The following EXOC3 variants were observed in gnomAD, a reference collection of about 807,000 sequenced individuals.
EXOC3 encodes the protein SEC6-like 1.
In EXOC3, 21 loss-of-function variants were observed where a neutral mutation model predicts 73.7. That is an observed-to-expected ratio of 0.29 (90% CI 0.20 to 0.41). The LOEUF is 0.41. Ranked by LOEUF, EXOC3 falls within the 10% of genes least tolerant of loss-of-function variation. The pLI, the probability that EXOC3 is intolerant of heterozygous loss-of-function variation, is 1.00. For synonymous variants in EXOC3, 410 were observed against 389.1 expected (o/e 1.05, Z -0.63); for missense variants, 842 against 985.1 (o/e 0.85, Z 1.95).
chr5:466,479 T>G (rs1738155490), intron 12 of EXOC3: 1 of 508,852 alleles, frequency 2.0e-6, no homozygotes. Context: ...GTCTCCCCTC[T>G]GGTTGGGCCG....
chr5:456,176 C>T lies in EXOC3; in HGVS notation c.1047-713C>T, dbSNP rs960760262. Among the ~76,000 whole-genome samples the T allele has an allele frequency of 1.3e-4, 20 of 152,174 alleles. 1 individual carries two copies. The highest frequency in any genetic ancestry group is 2.9e-5 in the Non-Finnish European group (2 of 68,042). On this transcript the variant is annotated intron_variant, in intron 4 of 12. Coordinates refer to ENST00000512944, the MANE Select transcript of EXOC3 (RefSeq NM_007277.5). ...TATCAAAATCCTCCGTAGCCCAAGT[C>T]CCCTTTATAAAAGGGTATAGTGTTT...
At chr5:444,457 G>A (rs1287126030) in intron 1 of EXOC3, among the ~76,000 whole-genome samples, 1 of 152,186 alleles carries the variant, frequency 6.6e-6, no homozygotes, top group African/African-American at 2.4e-5. Context: ...ACCTCACCGC[G>A]TGCCCCAGCA....
rs533678834 is a variant in EXOC3 at position 446,408 on chromosome 5, T to C, written c.144+59T>C. On this transcript the variant is annotated intron_variant, in intron 2 of 12. Transcript: ENST00000512944. ...TTGGGCTTCAGGTTCTTGCTTGACA[T>C]CACCATGATGATTTTGCTAAACTAG... 5.2e-4 allele frequency: 766 copies of C among 1,471,008 alleles called. 10 individuals carry two copies. In the South Asian group the frequency reaches 9.9e-3, roughly 19 times the overall value. The allele number at this position is 1,471,008 out of a possible 1,614,324, so 91.1% of individuals were successfully genotyped here.
Position 466,914 on chromosome 5 carries a change from C to T in EXOC3, c.*16C>T. ...GCTCAAGTAGCCTCCGCCGGCCTGC[C>T]CTGCTCGCCCCTCCACAGCCTCGGT... On this transcript the variant is annotated 3_prime_UTR_variant, in exon 13 of 13. Transcript: ENST00000512944. 1 of 1,578,330 alleles carries T rather than the reference C, an allele frequency of 6.3e-7. No individual in the cohort carries two copies. Among genetic ancestry groups the T allele is most frequent in the South Asian group, 1.2e-5 (1 of 86,702 alleles).
chr5:462,455 A>T (rs2126586346), intron 9 of EXOC3, 148 bp downstream of exon 9: 1 of 819,570 alleles, frequency 1.2e-6, no homozygotes, highest in East Asian at 2.5e-5. Flanking sequence ...GATCGCTTAA[A>T]GCGCCTCCGT....
rs75669997 is a variant in EXOC3, at chr5:449,658, T to G, written c.364+1906T>G. The stretch of plus-strand genomic sequence containing the variant: ...CTTTTAAGGCTGAATAATATTCCAT[T>G]GTATGGATGGACCACATTTTGCTTA... On this transcript the variant is annotated intron_variant, in intron 3 of 12. Transcript: ENST00000512944. 8.2e-3 allele frequency among the ~76,000 whole-genome samples: 1,248 copies of G among 152,354 alleles called. 20 individuals carry two copies. The highest frequency in any genetic ancestry group is 0.028 in the African/African-American group (1,144 of 41,580).
Position 452,788 on chromosome 5 carries a change from C to T in EXOC3, c.365-582C>T, listed in dbSNP as rs747315845. 4.6e-5 allele frequency among the ~76,000 whole-genome samples: 7 copies of T among 152,216 alleles called. No homozygotes were observed. The South Asian group carries it at 6.2e-4, about 13-fold the overall frequency. On this transcript the variant is annotated intron_variant, in intron 3 of 12. Transcript: ENST00000512944. ...TGCCTGGGCATGCATTGGCCACTTC[C>T]GAATTTTTCCTATAAATGCAGTTAC...
chr5:465,281 C>T lies in EXOC3; in HGVS notation c.1938+9C>T. 1.3e-6 allele frequency: 2 copies of T among 1,571,000 alleles called. No homozygotes were observed. Among genetic ancestry groups the T allele is most frequent in the South Asian group, 1.2e-5 (1 of 85,484 alleles). ...TCCGGAAGCTGGCGTCCGTGAGTGTCGCGCAGGTCCGGGCTGGAGAAGGCC... is the reference window on the plus strand; with the variant it reads ...TCCGGAAGCTGGCGTCCGTGAGTGTTGCGCAGGTCCGGGCTGGAGAAGGCC... On this transcript the variant is annotated intron_variant, in intron 11 of 12. Transcript: ENST00000512944.
At chr5:457,388 G>C (rs1377158213) in intron 5 of EXOC3, 3 of 274,712 alleles carry the variant, frequency 1.1e-5, no homozygotes, top group Non-Finnish European at 2.1e-5. Context: ...TGACCACCAG[G>C]TGGTCTCAGA....
rs558546982 is a variant in EXOC3 at position 459,819 on chromosome 5, G to A, written c.1391+360G>A. ...GTGCCTACTTCGTAGTGGGGAGGGC[G>A]TCCTCGGCTGAGCCGGCCCTCCTCA... On this transcript the variant is annotated intron_variant, in intron 7 of 12. Coordinates refer to ENST00000512944, the MANE Select transcript of EXOC3 (RefSeq NM_007277.5). 1.6e-3 allele frequency among the ~76,000 whole-genome samples: 242 copies of A among 152,350 alleles called. 2 individuals carry two copies. The Middle Eastern group carries it at 0.02, about 13-fold the overall frequency.
chr5:461,928 G>C (rs1243571568), intron 7 of EXOC3, 32 bp from the exon 8 acceptor site: 1 of 1,501,638 alleles, frequency 6.7e-7, no homozygotes, highest in Non-Finnish European at 9.1e-7. Flanking sequence ...GTTGCCCTTA[G>C]TGCTGTCTGA....
At chr5:449,604 T>C (rs530158345) in intron 3 of EXOC3, among the ~76,000 whole-genome samples, 3 of 152,354 alleles carry the variant, frequency 2.0e-5, no homozygotes, top group African/African-American at 4.8e-5. Context: ...AGGGGTCTTC[T>C]ATGCTGTGGT....
intron 5 of EXOC3, 133 bp downstream of exon 5, chr5:457,139 G>C: frequency 1.5e-6 from 1 of 660,722 alleles, no homozygotes; most frequent in Non-Finnish European, 2.7e-6. Context: ...CAGTTGCCCG[G>C]GCTCTGCTTC....
At chr5:461,848 C>T (rs1361218199) in intron 7 of EXOC3, 112 bp from the exon 8 acceptor site, 10 of 684,282 alleles carry the variant, frequency 1.5e-5, no homozygotes, top group Admixed American at 2.5e-5. Flanking sequence ...GAGGCTCATC[C>T]GGTCAGATGT....
chr5:463,489 A>G (rs1189655178), intron 9 of EXOC3, among the ~76,000 whole-genome samples: 1 of 152,216 alleles, frequency 6.6e-6, no homozygotes, highest in East Asian at 1.9e-4. Flanking sequence ...CAGGAGCCGG[A>G]GACGTGGATG....
At chr5:459,547 A>G in intron 7 of EXOC3, 88 bp downstream of exon 7, 2 of 607,646 alleles carry the variant, frequency 3.3e-6, no homozygotes, top group Non-Finnish European at 5.8e-6. Context: ...TATGCCTGTT[A>G]CTAAGAAGAA....
rs1446894236 is a variant in EXOC3, at chr5:443,284, G to C, written c.-63G>C. On this transcript the variant is annotated 5_prime_UTR_variant, in exon 1 of 13. Transcript: ENST00000512944. ...CGGCGGCGGCGGCGGCGGCGTAGCC[G>C]TAGAGGGTGAGTCGGTGGCAGGTCC... 1 of 154,988 alleles carries C rather than the reference G, an allele frequency of 6.5e-6. No homozygotes were observed. Among genetic ancestry groups the C allele is most frequent in the Non-Finnish European group, 1.4e-5 (1 of 69,472 alleles). 9.6% of individuals were successfully genotyped at this position (154,988 alleles called of 1,614,324 possible).
chr5:449,970 G>T (rs1016654934), intron 3 of EXOC3, among the ~76,000 whole-genome samples: 3 of 152,208 alleles, frequency 2.0e-5, no homozygotes, highest in Non-Finnish European at 4.4e-5. Flanking sequence ...TTATGGCTGG[G>T]TGCGGTGGCT....
Position 457,954 on chromosome 5 carries a change from G to A in EXOC3, c.1219G>A (p.Val407Ile). Residue 407 changes from valine (V) to isoleucine (I), a missense_variant, in exon 6 of 13, where the codon GTC (valine) becomes ATC (isoleucine). Val to Ile is a conservative substitution (Grantham distance 29, BLOSUM62 3). Coordinates refer to ENST00000512944, the MANE Select transcript of EXOC3 (RefSeq NM_007277.5). ...KALETDKKDWVKETEPEADQD... is the reference protein window; with the variant it reads ...KALETDKKDWIKETEPEADQD... The stretch of plus-strand genomic sequence containing the variant: ...GCTGGAGACAGACAAGAAAGACTGG[G>A]TCAAAGAGACAGAGCCAGAAGCCGA... 4 of 1,612,150 alleles carry A rather than the reference G, an allele frequency of 2.5e-6. No individual in the cohort carries two copies. Among genetic ancestry groups the A allele is most frequent in the Non-Finnish European group, 3.4e-6 (4 of 1,178,986 alleles).
Sources: gnomAD v4.1 joint callset for allele counts (sites outside exome capture counted in the v4.1 genomes callset) on GRCh38, gnomAD v4.1.1 for gene constraint, MANE v1.5 for transcripts, NCBI Gene and HGNC (gene_info 2026-07-23, HGNC 2026-07-21) for gene names.